RABGAP1L: variants seen among roughly 807,000 people sequenced by gnomAD.
The protein encoded by RABGAP1L is rab GTPase-activating protein 1-like.
Under a neutral mutation model 137.7 loss-of-function variants are expected in RABGAP1L, and 63 were observed. That is an observed-to-expected ratio of 0.46 (90% CI 0.37 to 0.56). The LOEUF (loss-of-function observed/expected upper bound fraction) is 0.56, where lower values mean the gene tolerates loss of function less well. Among genes scored for constraint, RABGAP1L ranks in the 20% least tolerant of loss-of-function variants. The pLI is 0.00. For missense variants in RABGAP1L, 1,095 were observed against 1,244.0 expected, an observed-to-expected ratio of 0.88 and a Z score of 1.80; for synonymous variants, 431 against 433.7, an observed-to-expected ratio of 0.99 and a Z score of 0.08.
At chr1:174,886,812 C>CTTT (rs11385190) in intron 19 of RABGAP1L, among the ~76,000 whole-genome samples, 2 of 149,150 alleles carry the variant, frequency 1.3e-5, no homozygotes, top group Non-Finnish European at 1.5e-5. Flanking sequence ...CCATTTAATT[C>CTTT]TTTTTTTTTT....
At chr1:174,215,450 T>A in intron 1 of RABGAP1L, among the ~76,000 whole-genome samples, 1 of 143,520 alleles carries the variant, frequency 7.0e-6, no homozygotes, top group African/African-American at 2.6e-5. Context: ...AGAGCGAAAC[T>A]CCATCTCAAA....
intron 11 of RABGAP1L, among the ~76,000 whole-genome samples, chr1:174,331,498 A>G (rs1036579491): frequency 7.9e-5 from 12 of 152,230 alleles, no homozygotes; most frequent in African/African-American, 2.9e-4. Context: ...TATTTCTCCA[A>G]AGATGACATA....
intron 1 of RABGAP1L, among the ~76,000 whole-genome samples, chr1:174,176,460 A>G (rs1558005104): frequency 6.6e-6 from 1 of 152,066 alleles, no homozygotes; most frequent in Non-Finnish European, 1.5e-5. Flanking sequence ...CTGTAATCCT[A>G]GCACTTTGGG....
At chr1:174,615,720 G>T (rs542124924) in intron 13 of RABGAP1L, among the ~76,000 whole-genome samples, 65 of 152,326 alleles carry the variant, frequency 4.3e-4, no homozygotes, top group African/African-American at 1.4e-3. Context: ...TTGAGCTGTG[G>T]TGGGCTCCAT....
At chr1:174,293,515 C>T (rs1328628421) in intron 10 of RABGAP1L, among the ~76,000 whole-genome samples, 4 of 152,166 alleles carry the variant, frequency 2.6e-5, no homozygotes, top group Non-Finnish European at 5.9e-5. Flanking sequence ...AAAATGTCAA[C>T]ATCTCCAGGA....
intron 3 of RABGAP1L, among the ~76,000 whole-genome samples, chr1:174,229,032 A>G (rs1446747007): frequency 6.6e-6 from 1 of 151,372 alleles, no homozygotes; most frequent in Non-Finnish European, 1.5e-5. Context: ...TTTTTTTTTA[A>G]AGAAATTCAT....
At chr1:174,449,443 T>C (rs1479204380) in intron 13 of RABGAP1L, among the ~76,000 whole-genome samples, 2 of 152,108 alleles carry the variant, frequency 1.3e-5, no homozygotes, top group East Asian at 3.9e-4. Context: ...ATAGGAAAAA[T>C]TAAGCACTGA....
chr1:174,849,183 G>A (rs1429221577), intron 19 of RABGAP1L, among the ~76,000 whole-genome samples: 3 of 152,090 alleles, frequency 2.0e-5, no homozygotes, highest in Admixed American at 2.0e-4. Context: ...GAAATCACCC[G>A]TCTTCTGCGT....
intron 13 of RABGAP1L, among the ~76,000 whole-genome samples, chr1:174,404,689 T>A (rs1033082466): frequency 2.5e-4 from 38 of 152,294 alleles, no homozygotes; most frequent in African/African-American, 8.2e-4. Context: ...ATTAATTTTT[T>A]AAATTAATTA....
chr1:174,986,095 C>T (rs1237627816), intron 24 of RABGAP1L, among the ~76,000 whole-genome samples: 1 of 152,134 alleles, frequency 6.6e-6, no homozygotes, highest in Non-Finnish European at 1.5e-5. Context: ...CGCGCCTCCA[C>T]ACCCGGCTAA....
At chr1:174,908,074 A>G (rs1395440326) in intron 19 of RABGAP1L, among the ~76,000 whole-genome samples, 1 of 152,250 alleles carries the variant, frequency 6.6e-6, no homozygotes, top group East Asian at 1.9e-4. Context: ...AGGTCACTAT[A>G]TAATGATAAA....
chr1:174,310,875 C>T (rs1678764308), intron 11 of RABGAP1L, among the ~76,000 whole-genome samples: 2 of 152,078 alleles, frequency 1.3e-5, no homozygotes, highest in Non-Finnish European at 2.9e-5. Flanking sequence ...CATACTCATT[C>T]TCTCATATAA....
intron 13 of RABGAP1L, among the ~76,000 whole-genome samples, chr1:174,468,598 C>A (rs1197041439): frequency 1.3e-5 from 2 of 152,108 alleles, no homozygotes; most frequent in Non-Finnish European, 2.9e-5. Flanking sequence ...TAGTATGAAA[C>A]AGTGAATTTC....
At chr1:174,401,862 G>A (rs1156305419) in intron 13 of RABGAP1L, among the ~76,000 whole-genome samples, 3 of 152,148 alleles carry the variant, frequency 2.0e-5, no homozygotes, top group East Asian at 3.9e-4. Context: ...TTCTGCCTAG[G>A]AACAGAGAAT....
intron 13 of RABGAP1L, among the ~76,000 whole-genome samples, chr1:174,490,745 T>A (rs1471108905): frequency 1.3e-5 from 2 of 152,110 alleles, no homozygotes; most frequent in Non-Finnish European, 2.9e-5. Context: ...TAAATCTACC[T>A]GATGTTCCAT....
intron 19 of RABGAP1L, among the ~76,000 whole-genome samples, chr1:174,933,094 GCATA>G (rs200140078): frequency 9.9e-5 from 15 of 151,844 alleles, no homozygotes; most frequent in South Asian, 2.1e-4. Flanking sequence ...ATACATACAT[GCATA>G]CATACATACA....
chr1:174,378,695 C>T (rs532097939), intron 12 of RABGAP1L, among the ~76,000 whole-genome samples: 1 of 151,848 alleles, frequency 6.6e-6, no homozygotes, highest in South Asian at 2.1e-4. Flanking sequence ...AGTCCTTTGT[C>T]AGATGAGTAG....
At chr1:174,637,670 T>C (rs888828034) in intron 14 of RABGAP1L, among the ~76,000 whole-genome samples, 182 bp downstream of exon 14, 4 of 152,214 alleles carry the variant, frequency 2.6e-5, no homozygotes, top group Non-Finnish European at 5.9e-5. Flanking sequence ...GTTGCATGTT[T>C]CGTGCCTCCT....
intron 13 of RABGAP1L, among the ~76,000 whole-genome samples, chr1:174,636,797 A>G (rs1165049018): frequency 6.6e-6 from 1 of 152,168 alleles, no homozygotes; most frequent in Non-Finnish European, 1.5e-5. Flanking sequence ...AAAATTGGAA[A>G]TGCATGTAAC....
Sources: allele counts gnomAD v4.1 joint callset (sites outside exome capture counted in the v4.1 genomes callset), GRCh38; gene constraint gnomAD v4.1.1; transcripts MANE v1.5; gene names NCBI Gene and HGNC (gene_info 2026-07-23, HGNC 2026-07-21).